Variants in RIC1 observed in about 807,000 individuals in gnomAD.
RIC1 encodes RIC1 partner of RAB6A GEF complex.
Under a neutral mutation model 169.0 loss-of-function variants are expected in RIC1, and 88 were observed. That is an observed-to-expected ratio of 0.52 (90% CI 0.44 to 0.62). The LOEUF (loss-of-function observed/expected upper bound fraction) is 0.62. Ranked by LOEUF, RIC1 falls within the 20% of genes least tolerant of loss-of-function variation. The probability of loss-of-function intolerance (pLI) is 0.00; values close to 1 mark genes in which losing one functional copy is unlikely to be tolerated. For missense variants in RIC1, 1,877 were observed against 1,725.5 expected (o/e 1.09, Z -1.56); for synonymous variants, 790 against 601.5 (o/e 1.31, Z -4.59).
chr9:5,630,226 T>C (rs184548126), intron 1 of RIC1, among the ~76,000 whole-genome samples: 20 of 152,312 alleles, frequency 1.3e-4, no homozygotes, highest in Non-Finnish European at 2.2e-4. Context: ...AATTACTGAG[T>C]AGATATGAGA....
intron 7 of RIC1, among the ~76,000 whole-genome samples, chr9:5,737,497 T>C (rs1435420089): frequency 6.8e-6 from 1 of 146,012 alleles, no homozygotes; most frequent in African/African-American, 2.4e-5. Flanking sequence ...CATTAACTCT[T>C]TGTTGTATTT....
Position 5,732,490 on chromosome 9 carries a change from T to C in RIC1, c.812+11T>C. ...ATTTGGCTGTGTGAGGTATAATTGA[T>C]GTAGGCTTTTGCATTTTTAAGAGTT... On this transcript the variant is annotated intron_variant, in intron 7 of 25. Transcript: ENST00000414202. 6.4e-7 allele frequency: 1 copy of C among 1,556,888 alleles called. No individual in the cohort carries two copies. The highest frequency in any genetic ancestry group is 8.7e-7 in the Non-Finnish European group (1 of 1,146,556).
chr9:5,687,536 G>A (rs180772565), intron 2 of RIC1, among the ~76,000 whole-genome samples: 3 of 152,224 alleles, frequency 2.0e-5, no homozygotes, highest in Admixed American at 2.0e-4. Context: ...ATTTTGGGAT[G>A]ATGTATTTTT....
rs775917627 is a variant in RIC1, at chr9:5,647,974, ATGGTGG to A, written c.145-8595_145-8590del. On this transcript the variant is annotated intron_variant, in intron 1 of 25. Transcript: ENST00000414202. ...GGTGGTGGTGGTGGTGGTGGTGGTG[ATGGTGG>A]TGGTGGTGGTGGTAGTGGTAGTGGT... Among the ~76,000 whole-genome samples the A allele has an allele frequency of 6.4e-3, 636 of 98,988 alleles. 12 individuals are homozygous for A. The highest frequency in any genetic ancestry group is 0.015 in the Middle Eastern group (3 of 198). 64.9% of individuals were successfully genotyped at this position (98,988 alleles called of 152,430 possible). A position where few individuals can be genotyped will look rare whatever the true frequency, so the allele number is the denominator to read the frequency against.
chr9:5,756,417 C>G (rs769008941), intron 16 of RIC1, 45 bp downstream of exon 16: 3 of 1,254,332 alleles, frequency 2.4e-6, no homozygotes, highest in East Asian at 5.5e-5. Context: ...TCCTATTTAC[C>G]ACGTTTCTCT....
intron 4 of RIC1, among the ~76,000 whole-genome samples, chr9:5,716,496 C>T (rs567879615): frequency 4.6e-5 from 7 of 152,088 alleles, no homozygotes; most frequent in Non-Finnish European, 1.0e-4. Flanking sequence ...GCCTGTACTC[C>T]CAGCTACTCA....
chr9:5,681,457 G>A (rs1820834904), intron 2 of RIC1, among the ~76,000 whole-genome samples: 1 of 152,196 alleles, frequency 6.6e-6, no homozygotes, highest in East Asian at 1.9e-4. Context: ...GTGGTTTTGA[G>A]TGAGTTTCTT....
At chr9:5,647,885 GTTTTGTT>G (rs1301791836) in intron 1 of RIC1, among the ~76,000 whole-genome samples, 1 of 137,298 alleles carries the variant, frequency 7.3e-6, no homozygotes, top group African/African-American at 2.7e-5. Context: ...ACAAGTTGTT[GTTTTGTT>G]TTTTGTTTTT....
chr9:5,757,330 G>T lies in RIC1; in HGVS notation c.1871G>T (p.Gly624Val), dbSNP rs1291636976. 3 of 1,613,902 alleles carry T rather than the reference G, an allele frequency of 1.9e-6. No individual in the cohort carries two copies. Among genetic ancestry groups the T allele is most frequent in the South Asian group, 2.2e-5 (2 of 91,080 alleles). Residue 624 changes from glycine (G) to valine (V), a missense_variant, in exon 17 of 26, where the codon GGT (glycine) becomes GTT (valine). Coordinates refer to ENST00000414202, the MANE Select transcript of RIC1 (RefSeq NM_020829.4). ...RKSDGPNTTAGIQVLQEVSMS... is the reference protein window; with the variant it reads ...RKSDGPNTTAVIQVLQEVSMS... ...TTTTACAGTCCAAATACTACTGCTGGTATTCAAGTTCTTCAGGAGGTTTCC... is the reference window on the plus strand; with the variant it reads ...TTTTACAGTCCAAATACTACTGCTGTTATTCAAGTTCTTCAGGAGGTTTCC...
In RIC1 at chr9:5,709,122, C is replaced by G. The variant is rs1407724229; in HGVS notation, c.333-4774C>G. On this transcript the variant is annotated intron_variant, in intron 3 of 25. Coordinates refer to ENST00000414202, the MANE Select transcript of RIC1 (RefSeq NM_020829.4). Reference sequence around the variant, plus strand: ...ACAAAACATGTACCAAGTGTTGGCTCTTAAATCTTCTGTTCAGAAATGACA... The same window carrying G: ...ACAAAACATGTACCAAGTGTTGGCTGTTAAATCTTCTGTTCAGAAATGACA... Among the ~76,000 whole-genome samples, 4 of 152,154 alleles carry G rather than the reference C, an allele frequency of 2.6e-5. No individual in the cohort carries two copies. The East Asian group carries it at 7.7e-4, about 29-fold the overall frequency.
chr9:5,631,375 A>T (rs1817706345), intron 1 of RIC1, among the ~76,000 whole-genome samples: 1 of 152,096 alleles, frequency 6.6e-6, no homozygotes. Flanking sequence ...ATGCAGGAAT[A>T]CCTTAGAGGA....
At chr9:5,646,288 G>A (rs1199006024) in intron 1 of RIC1, among the ~76,000 whole-genome samples, 1 of 152,000 alleles carries the variant, frequency 6.6e-6, no homozygotes, top group Admixed American at 6.5e-5. Flanking sequence ...GAGTTGTAAC[G>A]CTTCATGTAT....
chr9:5,759,922 T>G (rs1023059091), intron 17 of RIC1, among the ~76,000 whole-genome samples: 2 of 152,166 alleles, frequency 1.3e-5, no homozygotes, highest in African/African-American at 2.4e-5. Context: ...AGGACTCTTA[T>G]ATATCCCAGA....
intron 12 of RIC1, among the ~76,000 whole-genome samples, chr9:5,750,975 G>C (rs1825689516): frequency 1.3e-5 from 2 of 151,716 alleles, no homozygotes; most frequent in African/African-American, 4.9e-5. Context: ...ATCATTTGTG[G>C]CACTTCATAG....
chr9:5,770,921 A>G (rs1287724305), intron 23 of RIC1, among the ~76,000 whole-genome samples: 1 of 152,232 alleles, frequency 6.6e-6, no homozygotes, highest in Non-Finnish European at 1.5e-5. Context: ...TATATAGTAT[A>G]GGAGCTTAAA....
intron 2 of RIC1, among the ~76,000 whole-genome samples, chr9:5,685,286 C>T (rs953023980): frequency 6.6e-6 from 1 of 150,490 alleles, no homozygotes; most frequent in Admixed American, 6.6e-5. Flanking sequence ...CTTTAAAGTT[C>T]ATATGGAACC....
chr9:5,632,708 A>T (rs1317284318), intron 1 of RIC1, among the ~76,000 whole-genome samples: 3 of 152,152 alleles, frequency 2.0e-5, no homozygotes, highest in Non-Finnish European at 2.9e-5. Flanking sequence ...AGCTTTGAGG[A>T]TGAAACTGTT....
rs544486898 is a variant in RIC1, at chr9:5,688,021, A to G, written c.253-1938A>G. ...CCAGCCAATGTCTTTTTCATCTCAG[A>G]TATTTTAGTATTTCTGTTTCTAGAG... On this transcript the variant is annotated intron_variant, in intron 2 of 25. Transcript: ENST00000414202. Among the ~76,000 whole-genome samples, 9 of 152,088 alleles carry G rather than the reference A, an allele frequency of 5.9e-5. No homozygotes were observed. The South Asian group carries it at 6.2e-4, about 11-fold the overall frequency.
At chr9:5,644,017 T>G (rs907019999) in intron 1 of RIC1, among the ~76,000 whole-genome samples, 1 of 152,188 alleles carries the variant, frequency 6.6e-6, no homozygotes, top group East Asian at 1.9e-4. Context: ...ATACAAAAAT[T>G]TACCTATGAA....
Sources: gnomAD v4.1 joint callset for allele counts (sites outside exome capture counted in the v4.1 genomes callset) on GRCh38, gnomAD v4.1.1 for gene constraint, MANE v1.5 for transcripts, NCBI Gene and HGNC (gene_info 2026-07-23, HGNC 2026-07-21) for gene names.